The following AOAH variants were observed in gnomAD, a reference collection of about 807,000 sequenced individuals.
AOAH encodes acyloxyacyl hydrolase.
A neutral mutation model predicts 92.2 loss-of-function variants in AOAH; 64 were observed. The observed-to-expected ratio is 0.69, with a 90% CI of 0.57 to 0.86. The LOEUF (loss-of-function observed/expected upper bound fraction) is 0.86, where lower values mean the gene tolerates loss of function less well. Among genes scored for constraint, AOAH ranks in the 40% least tolerant of loss-of-function variants. AOAH has a pLI of 0.00. For missense variants in AOAH, 656 were observed against 694.6 expected (o/e 0.94, Z 0.62); for synonymous variants, 263 against 254.5 (o/e 1.03, Z -0.32).
chr7:36,539,522 T>C (rs896075040), intron 16 of AOAH, among the ~76,000 whole-genome samples: 14 of 152,234 alleles, frequency 9.2e-5, no homozygotes, highest in Non-Finnish European at 2.1e-4. Flanking sequence ...GGGCAGGAAC[T>C]TAGGACTATT....
chr7:36,721,028 C>CTGCTTTCTGAGA (rs1475793443), intron 1 of AOAH, among the ~76,000 whole-genome samples: 4 of 152,190 alleles, frequency 2.6e-5, no homozygotes, highest in Non-Finnish European at 5.9e-5. Flanking sequence ...GCGGACCTCA[C>CTGCTTTCTGAGA]TGCTTCCTGA....
chr7:36,704,688 A>G (rs1410038845), intron 1 of AOAH, among the ~76,000 whole-genome samples: 5 of 152,242 alleles, frequency 3.3e-5, no homozygotes, highest in Admixed American at 1.3e-4. Context: ...GTGACACAAC[A>G]AAAAAAGAAA....
In AOAH at chr7:36,583,118, A is replaced by G. The variant is rs183085618; in HGVS notation, c.939-6462T>C. Among the ~76,000 whole-genome samples the G allele has an allele frequency of 5.6e-3, 853 of 152,232 alleles. 29 individuals carry two copies. Among genetic ancestry groups the G allele is most frequent in the Admixed American group, 0.051 (773 of 15,286 alleles). ...TTAGGCAATTTCTGACTCTGTCCAG[A>G]GGCACAGCTTGCTTGGGTATAAATT... On this transcript the variant is annotated intron_variant, in intron 12 of 20. Coordinates refer to ENST00000617537, the MANE Select transcript of AOAH (RefSeq NM_001637.4).
At chr7:36,635,585 T>C (rs1207634972) in intron 5 of AOAH, among the ~76,000 whole-genome samples, 1 of 152,056 alleles carries the variant, frequency 6.6e-6, no homozygotes, top group Non-Finnish European at 1.5e-5. Context: ...GGTGGGTTTG[T>C]GATCAGGGCT....
At position 36,616,366 on chromosome 7, in the gene AOAH, C is replaced by T; in HGVS notation, c.846+14G>A. Reference sequence around the variant, plus strand: ...GCCAGCACATCTGGAATGATTACTGCCAAAATTACTTACCAAAGACATCTG... The same window carrying T: ...GCCAGCACATCTGGAATGATTACTGTCAAAATTACTTACCAAAGACATCTG... On this transcript the variant is annotated intron_variant, in intron 11 of 20. Coordinates refer to ENST00000617537, the MANE Select transcript of AOAH (RefSeq NM_001637.4). 6.2e-7 allele frequency: 1 copy of T among 1,607,138 alleles called. No individual in the cohort carries two copies. Among genetic ancestry groups the T allele is most frequent in the Non-Finnish European group, 8.5e-7 (1 of 1,173,948 alleles).
At chr7:36,657,583 G>A (rs753304892) in intron 4 of AOAH, among the ~76,000 whole-genome samples, 2 of 152,166 alleles carry the variant, frequency 1.3e-5, no homozygotes, top group African/African-American at 2.4e-5. Context: ...AGGGGGACCC[G>A]AGGCAGAGGG....
intron 13 of AOAH, among the ~76,000 whole-genome samples, chr7:36,566,906 G>A (rs1408647028): frequency 1.3e-5 from 2 of 152,058 alleles, no homozygotes. Context: ...TGCCTCCCGG[G>A]TTCCAGCGAT....
intron 1 of AOAH, among the ~76,000 whole-genome samples, chr7:36,715,936 C>T (rs1799132511): frequency 6.6e-6 from 1 of 152,162 alleles, no homozygotes; most frequent in African/African-American, 2.4e-5. Context: ...ATGTCTAAAA[C>T]ACCAAAAGCA....
At chr7:36,555,819 A>G (rs1401672335) in intron 13 of AOAH, among the ~76,000 whole-genome samples, 1 of 152,052 alleles carries the variant, frequency 6.6e-6, no homozygotes, top group Non-Finnish European at 1.5e-5. Flanking sequence ...TTTCTGTGGG[A>G]TCGGTGGTGA....
At chr7:36,656,757 G>A (rs1445955647) in intron 4 of AOAH, among the ~76,000 whole-genome samples, 2 of 150,136 alleles carry the variant, frequency 1.3e-5, no homozygotes, top group East Asian at 3.9e-4. Context: ...TGTAATTGGG[G>A]TTTGCTTTAT....
chr7:36,647,179 G>A lies in AOAH; in HGVS notation c.391-9269C>T, dbSNP rs75695378. On this transcript the variant is annotated intron_variant, in intron 4 of 20. Coordinates refer to ENST00000617537, the MANE Select transcript of AOAH (RefSeq NM_001637.4). ...ATTAAATATTAATTTTACAATTATC[G>A]AATTACAATTGTAATAAGTGCTGGA... Among the ~76,000 whole-genome samples, 768 of 152,274 alleles carry A rather than the reference G, an allele frequency of 5.0e-3. 6 individuals carry two copies. Among genetic ancestry groups the A allele is most frequent in the African/African-American group, 0.017 (727 of 41,544 alleles).
At chr7:36,607,688 C>CCCTG (rs1172001298) in intron 11 of AOAH, among the ~76,000 whole-genome samples, 2 of 152,194 alleles carry the variant, frequency 1.3e-5, no homozygotes, top group Non-Finnish European at 2.9e-5. Context: ...ACTTCTTGCT[C>CCCTG]CCTGTCCATC....
chr7:36,554,662 A>G (rs1185334743), intron 13 of AOAH, among the ~76,000 whole-genome samples: 1 of 151,428 alleles, frequency 6.6e-6, no homozygotes, highest in Non-Finnish European at 1.5e-5. Flanking sequence ...TATTTCATTG[A>G]GCAGTGGTTT....
intron 2 of AOAH, among the ~76,000 whole-genome samples, chr7:36,676,226 TA>T (rs1796249572): frequency 1.3e-5 from 2 of 152,166 alleles, no homozygotes; most frequent in South Asian, 2.1e-4. Context: ...AGGAATCTAT[TA>T]AAAACTATAA....
intron 4 of AOAH, among the ~76,000 whole-genome samples, chr7:36,657,108 C>T (rs1305073430): frequency 3.3e-5 from 5 of 152,118 alleles, no homozygotes; most frequent in African/African-American, 1.2e-4. Flanking sequence ...ATTCTCAATA[C>T]AATATAATTT....
At chr7:36,708,871 G>T (rs1011588663) in intron 1 of AOAH, among the ~76,000 whole-genome samples, 2 of 152,054 alleles carry the variant, frequency 1.3e-5, no homozygotes, top group Admixed American at 6.6e-5. Context: ...AGCTTGTAAG[G>T]TGTGGTAACC....
intron 13 of AOAH, among the ~76,000 whole-genome samples, chr7:36,576,346 C>T (rs1788497329): frequency 1.3e-5 from 2 of 152,220 alleles, no homozygotes; most frequent in Admixed American, 6.5e-5. Context: ...GAATGATCTG[C>T]TCTCTTGGTC....
chr7:36,534,920 G>A (rs1244283170), intron 16 of AOAH, among the ~76,000 whole-genome samples: 2 of 151,398 alleles, frequency 1.3e-5, no homozygotes, highest in African/African-American at 4.9e-5. Context: ...GTCTCTGTCT[G>A]TCTGTGTTTT....
intron 1 of AOAH, among the ~76,000 whole-genome samples, chr7:36,711,074 T>C (rs1374250234): frequency 6.6e-6 from 1 of 152,152 alleles, no homozygotes; most frequent in Non-Finnish European, 1.5e-5. Context: ...CCCCATGCCT[T>C]ACTATTGCTT....
Sources: allele counts gnomAD v4.1 joint callset (sites outside exome capture counted in the v4.1 genomes callset), GRCh38; gene constraint gnomAD v4.1.1; transcripts MANE v1.5; gene names NCBI Gene and HGNC (gene_info 2026-07-23, HGNC 2026-07-21).